Variants in ABCA13 observed in about 807,000 individuals in gnomAD.
The protein encoded by ABCA13 is ATP binding cassette subfamily A member 13.
A neutral mutation model predicts 478.7 loss-of-function variants in ABCA13; 476 were observed. The ratio of observed to expected loss-of-function variants is 0.99; its 90% CI spans 0.92 to 1.07. ABCA13 has a LOEUF of 1.07. Among genes scored for constraint, ABCA13 ranks in the 50% least tolerant of loss-of-function variants. The pLI is 0.00. For missense variants in ABCA13, 6,060 were observed against 5,910.6 expected (o/e 1.03, Z -0.83); for synonymous variants, 2,252 against 2,158.9 (o/e 1.04, Z -1.20).
chr7:48,528,321 A>C lies in ABCA13; in HGVS notation c.14330A>C (p.His4777Pro). The C allele has an allele frequency of 6.4e-7, 1 of 1,567,714 alleles. No homozygotes were observed. The change falls in exon 55 of 62, where the codon CAT (histidine) becomes CCT (proline). Residue 4777 changes from histidine to proline, a missense_variant. Around this residue, in one of 3 missense-constraint regions of ABCA13, gnomAD observed 1,627 missense variants for 1,571.0 expected, o/e 1.04. Transcript: ENST00000435803. ...GGTGAAGTTTCTCTAACTTCAGGAC[A>C]TGCTATCATCAGGACTCCCATGGGG... ...LNGEVSLTSG[H>P]AIIRTPMGDA...
intron 13 of ABCA13, 142 bp downstream of exon 13, chr7:48,246,172 C>A: frequency 1.1e-6 from 1 of 882,802 alleles, no homozygotes; most frequent in Non-Finnish European, 1.6e-6. Context: ...GCTCTCTGAA[C>A]TCCAGCTGCC....
intron 1 of ABCA13, among the ~76,000 whole-genome samples, chr7:48,171,932 C>T (rs1260834671): frequency 1.3e-5 from 2 of 152,204 alleles, no homozygotes; most frequent in Non-Finnish European, 2.9e-5. Flanking sequence ...AAGCAGAATG[C>T]TACAGGTACT....
chr7:48,256,760 A>G (rs987309458), intron 15 of ABCA13, among the ~76,000 whole-genome samples: 2 of 152,200 alleles, frequency 1.3e-5, no homozygotes, highest in African/African-American at 2.4e-5. Context: ...TAATCCCTAC[A>G]GCATTGCTCT....
intron 3 of ABCA13, among the ~76,000 whole-genome samples, chr7:48,211,182 G>A (rs1785597603): frequency 6.6e-6 from 1 of 152,200 alleles, no homozygotes; most frequent in Admixed American, 6.5e-5. Flanking sequence ...GTTCATTAAT[G>A]GCTGAGCATT....
intron 1 of ABCA13, among the ~76,000 whole-genome samples, chr7:48,180,358 C>G (rs1795498069): frequency 6.6e-6 from 1 of 152,172 alleles, no homozygotes; most frequent in African/African-American, 2.4e-5. Context: ...TTCCTTGTTT[C>G]TAGTGGTAAC....
chr7:48,339,839 C>G (rs1806853189), intron 29 of ABCA13, among the ~76,000 whole-genome samples: 2 of 152,138 alleles, frequency 1.3e-5, no homozygotes, highest in African/African-American at 4.8e-5. Flanking sequence ...GGAGCAGGCA[C>G]AGAGTGGGGT....
chr7:48,266,228 G>A (rs1050041753), intron 15 of ABCA13, among the ~76,000 whole-genome samples: 2 of 151,520 alleles, frequency 1.3e-5, no homozygotes, highest in Non-Finnish European at 3.0e-5. Context: ...GTGGTCTTTA[G>A]TAGTCTTTTT....
chr7:48,357,413 T>G lies in ABCA13; in HGVS notation c.10688+4926T>G, dbSNP rs372140814. ...TGTCCTGTCCCACCAACGCAGGTAA[T>G]TTGTTGGTGATACCAACTGTAGTGG... On this transcript the variant is annotated intron_variant, in intron 31 of 61. Transcript: ENST00000435803. Among the ~76,000 whole-genome samples the G allele has an allele frequency of 3.6e-4, 54 of 152,110 alleles. 1 individual carries two copies. Among genetic ancestry groups the G allele is most frequent in the African/African-American group, 1.3e-3 (52 of 41,382 alleles).
chr7:48,587,090 G>T (rs1489302475), intron 56 of ABCA13, 64 bp from the exon 57 acceptor site: 2 of 1,600,022 alleles, frequency 1.2e-6, no homozygotes, highest in African/African-American at 2.7e-5. Flanking sequence ...TGAGGACTGA[G>T]ACCAGCTGTC....
intron 12 of ABCA13, 123 bp from the exon 13 acceptor site, chr7:48,245,740 A>G: frequency 6.9e-7 from 1 of 1,445,646 alleles, no homozygotes; most frequent in African/African-American, 1.4e-5. Flanking sequence ...CAGGTTTTTC[A>G]AAACTTTATG....
intron 41 of ABCA13, among the ~76,000 whole-genome samples, chr7:48,423,660 A>C (rs913709665): frequency 3.3e-5 from 5 of 152,192 alleles, no homozygotes; most frequent in African/African-American, 1.2e-4. Flanking sequence ...CAAATGAAGA[A>C]TCCCAAAACT....
chr7:48,413,996 T>C (rs1009859680), intron 41 of ABCA13, among the ~76,000 whole-genome samples: 2 of 152,196 alleles, frequency 1.3e-5, no homozygotes, highest in African/African-American at 2.4e-5. Flanking sequence ...ACCTTTGTGG[T>C]TGATGCTCTG....
chr7:48,393,486 A>G (rs1816381573), intron 38 of ABCA13, among the ~76,000 whole-genome samples: 2 of 152,196 alleles, frequency 1.3e-5, no homozygotes, highest in Admixed American at 1.3e-4. Flanking sequence ...TAAGAAGAAA[A>G]TGTGAATGTC....
chr7:48,539,742 A>G (rs1290432349), intron 55 of ABCA13, among the ~76,000 whole-genome samples: 2 of 152,188 alleles, frequency 1.3e-5, no homozygotes, highest in Non-Finnish European at 2.9e-5. Context: ...AGAAATAATA[A>G]CTCAAATGTT....
intron 3 of ABCA13, among the ~76,000 whole-genome samples, chr7:48,218,304 C>T (rs972418534): frequency 1.3e-5 from 2 of 152,126 alleles, no homozygotes; most frequent in African/African-American, 2.4e-5. Flanking sequence ...CATTTTTAGC[C>T]TTTAATATGA....
intron 7 of ABCA13, among the ~76,000 whole-genome samples, chr7:48,232,443 T>C (rs1466255513): frequency 6.6e-6 from 1 of 152,164 alleles, no homozygotes; most frequent in Non-Finnish European, 1.5e-5. Context: ...AATTTTCTAT[T>C]AACTCTCCAG....
chr7:48,376,194 TA>T (rs1414419190), intron 34 of ABCA13, among the ~76,000 whole-genome samples: 7 of 152,210 alleles, frequency 4.6e-5, no homozygotes, highest in Non-Finnish European at 1.0e-4. Context: ...AGGTGACCTT[TA>T]AAACTTTTTA....
intron 4 of ABCA13, among the ~76,000 whole-genome samples, chr7:48,220,460 T>A (rs1787202562): frequency 1.3e-5 from 2 of 152,220 alleles, no homozygotes; most frequent in Non-Finnish European, 2.9e-5. Context: ...CCAACTATAA[T>A]TCCTATGTAA....
chr7:48,375,886 G>T (rs1348901980), intron 34 of ABCA13, among the ~76,000 whole-genome samples: 2 of 152,086 alleles, frequency 1.3e-5, no homozygotes, highest in African/African-American at 2.4e-5. Flanking sequence ...AGTACACAAT[G>T]ATTAAAATGT....
Sources: allele counts gnomAD v4.1 joint callset (sites outside exome capture counted in the v4.1 genomes callset), GRCh38; gene constraint gnomAD v4.1.1; regional missense constraint gnomAD v4.1.1; transcripts MANE v1.5; gene names NCBI Gene and HGNC (gene_info 2026-07-23, HGNC 2026-07-21).